The following CNBD1 variants were observed in gnomAD, a reference collection of about 807,000 sequenced individuals.
The protein encoded by CNBD1 is cyclic nucleotide binding domain containing 1, also known as cyclic nucleotide-binding domain-containing protein 1.
In CNBD1, 71 loss-of-function variants were observed where a neutral mutation model predicts 54.4. That is an observed-to-expected ratio of 1.30 (90% CI 1.08 to 1.59). The LOEUF is 1.59. Among genes scored for constraint, CNBD1 ranks in the 40% most tolerant of loss-of-function variants. CNBD1 has a pLI of 0.00. For missense variants in CNBD1, 659 were observed against 518.0 expected (o/e 1.27, Z -2.64); for synonymous variants, 182 against 170.7 (o/e 1.07, Z -0.51).
intron 10 of CNBD1, among the ~76,000 whole-genome samples, chr8:87,369,377 T>C (rs915233096): frequency 2.0e-5 from 3 of 152,056 alleles, no homozygotes; most frequent in African/African-American, 7.2e-5. Flanking sequence ...TTGTGTTTTA[T>C]ACTTACCTAT....
At chr8:87,330,121 G>C (rs1047444138) in intron 8 of CNBD1, among the ~76,000 whole-genome samples, 8 of 151,422 alleles carry the variant, frequency 5.3e-5, no homozygotes, top group Non-Finnish European at 8.8e-5. Context: ...GGTCAAATTT[G>C]TGGGCATAAT....
chr8:87,117,167 G>A (rs1357999770), intron 4 of CNBD1, among the ~76,000 whole-genome samples: 1 of 152,104 alleles, frequency 6.6e-6, no homozygotes, highest in Non-Finnish European at 1.5e-5. Flanking sequence ...GGGAGGCCAA[G>A]GCGGGTGGAT....
intron 10 of CNBD1, among the ~76,000 whole-genome samples, chr8:87,361,767 A>G (rs1320380758): frequency 6.6e-6 from 1 of 151,064 alleles, no homozygotes; most frequent in Non-Finnish European, 1.5e-5. Flanking sequence ...GAAACTACTT[A>G]TGTATCAATT....
At chr8:86,961,176 G>A (rs1807919109) in intron 4 of CNBD1, among the ~76,000 whole-genome samples, 1 of 152,124 alleles carries the variant, frequency 6.6e-6, no homozygotes, top group African/African-American at 2.4e-5. Context: ...ATACACAAAT[G>A]AAGATCCAAT....
At chr8:86,953,559 C>G (rs1346516633) in intron 4 of CNBD1, among the ~76,000 whole-genome samples, 1 of 152,116 alleles carries the variant, frequency 6.6e-6, no homozygotes, top group African/African-American at 2.4e-5. Flanking sequence ...AGATCAAACA[C>G]CACCTTACTC....
At position 87,133,483 on chromosome 8, in the gene CNBD1, A is replaced by G. The variant is rs562151676; in HGVS notation, c.432-72510A>G. 7.2e-5 allele frequency among the ~76,000 whole-genome samples: 11 copies of G among 152,308 alleles called. No homozygotes were observed. The South Asian group carries it at 2.1e-3, about 29-fold the overall frequency. On this transcript the variant is annotated intron_variant, in intron 4 of 10. Coordinates refer to ENST00000518476, the MANE Select transcript of CNBD1 (RefSeq NM_173538.3). ...GTATCAGTCAGTTTGAGCTGCTACA[A>G]TAAATTACCATAAGGTAGGTATAAT...
chr8:87,211,220 C>A (rs1410380458), intron 5 of CNBD1, among the ~76,000 whole-genome samples: 3 of 152,110 alleles, frequency 2.0e-5, no homozygotes, highest in African/African-American at 7.2e-5. Flanking sequence ...TTTTCCATTG[C>A]CTGTTTCCCC....
intron 5 of CNBD1, among the ~76,000 whole-genome samples, chr8:87,215,352 T>C (rs568114656): frequency 5.5e-4 from 84 of 152,124 alleles, no homozygotes; most frequent in Middle Eastern, 3.4e-3. Flanking sequence ...TGCTGATGCA[T>C]AAGGTGGGCG....
intron 10 of CNBD1, among the ~76,000 whole-genome samples, chr8:87,377,028 T>G (rs1810955923): frequency 6.7e-6 from 1 of 149,788 alleles, no homozygotes; most frequent in Admixed American, 6.7e-5. Flanking sequence ...TTTCTTTTTT[T>G]TTTTTACATT....
At chr8:87,077,430 T>TTA (rs1436179653) in intron 4 of CNBD1, among the ~76,000 whole-genome samples, 3 of 148,414 alleles carry the variant, frequency 2.0e-5, no homozygotes, top group East Asian at 1.9e-4. Context: ...TTTTTTTTTT[T>TTA]ATTATACTTT....
intron 2 of CNBD1, among the ~76,000 whole-genome samples, chr8:87,416,307 T>G (rs1277006404): frequency 6.6e-6 from 1 of 152,084 alleles, no homozygotes; most frequent in African/African-American, 2.4e-5. Context: ...TTCTATTTTC[T>G]ATGAAAGTGT....
intron 5 of CNBD1, among the ~76,000 whole-genome samples, chr8:87,232,468 A>C (rs1308266203): frequency 6.6e-6 from 1 of 152,136 alleles, no homozygotes; most frequent in Non-Finnish European, 1.5e-5. Flanking sequence ...TGGCTATTGC[A>C]GTCTCCCTCT....
At chr8:86,989,634 A>G (rs1360468613) in intron 4 of CNBD1, among the ~76,000 whole-genome samples, 2 of 151,978 alleles carry the variant, frequency 1.3e-5, no homozygotes, top group African/African-American at 4.8e-5. Context: ...GTATTTTAGT[A>G]GAGATGGGGT....
chr8:87,073,975 G>A (rs1041303566), intron 4 of CNBD1, among the ~76,000 whole-genome samples: 6 of 151,918 alleles, frequency 3.9e-5, no homozygotes, highest in East Asian at 3.9e-4. Flanking sequence ...GGTGGTGGGC[G>A]CCGTAGTCCC....
In CNBD1 at chr8:87,413,686, G is replaced by A. The variant is rs201610415; in HGVS notation, c.214-14860G>A. ...AAACAAATTTACAAGAAAAAAACAA[G>A]CAACCCCATCAAAAAGTGGGTGAAG... On this transcript the variant is annotated intron_variant, in intron 2 of 7. Transcript: ENST00000521593. Among the ~76,000 whole-genome samples, 488 of 150,198 alleles carry A rather than the reference G, an allele frequency of 3.2e-3. 2 individuals carry two copies. Among genetic ancestry groups the A allele is most frequent in the African/African-American group, 0.011 (448 of 41,008 alleles).
intron 4 of CNBD1, among the ~76,000 whole-genome samples, chr8:87,034,818 C>T (rs1809874211): frequency 6.6e-6 from 1 of 151,984 alleles, no homozygotes; most frequent in South Asian, 2.1e-4. Flanking sequence ...TACAAGTGGA[C>T]CTGTACAGTT....
chr8:87,031,326 G>T (rs901482835), intron 4 of CNBD1, among the ~76,000 whole-genome samples: 1 of 151,918 alleles, frequency 6.6e-6, no homozygotes, highest in Non-Finnish European at 1.5e-5. Flanking sequence ...CACATAACTC[G>T]TGTGTGCAAC....
intron 3 of CNBD1, among the ~76,000 whole-genome samples, chr8:86,930,916 T>G (rs1039211253): frequency 6.6e-6 from 1 of 152,154 alleles, no homozygotes; most frequent in Admixed American, 6.5e-5. Context: ...TGATTTGGAT[T>G]GGGTGGGCAT....
downstream of CNBD1, among the ~76,000 whole-genome samples, chr8:87,385,202 A>G (rs1456459720): frequency 6.6e-6 from 1 of 152,168 alleles, no homozygotes; most frequent in East Asian, 1.9e-4. Context: ...GTAACGCAGA[A>G]GATGGGTGAT....
Sources: gnomAD v4.1 joint callset for allele counts (sites outside exome capture counted in the v4.1 genomes callset) on GRCh38, gnomAD v4.1.1 for gene constraint, MANE v1.5 for transcripts, NCBI Gene and HGNC (gene_info 2026-07-23, HGNC 2026-07-21) for gene names.